The following PPRC1 variants were observed in gnomAD, a reference collection of about 807,000 sequenced individuals.
PPRC1 encodes PPARG related coactivator 1, also known as peroxisome proliferator-activated receptor gamma coactivator-related protein 1.
PPRC1 carries 23 observed loss-of-function variants against 132.5 expected under a neutral mutation model. The ratio of observed to expected loss-of-function variants is 0.17; its 90% confidence interval spans 0.12 to 0.25. The LOEUF is 0.25. PPRC1 is among the 10% of genes least tolerant of loss of function. The probability of loss-of-function intolerance (pLI) is 1.00; values close to 1 mark genes in which losing one functional copy is unlikely to be tolerated. For missense variants in PPRC1, 2,006 were observed against 2,089.1 expected (o/e 0.96, Z 0.78); for synonymous variants, 872 against 833.5 (o/e 1.05, Z -0.80).
chr10:102,123,688 G>A, the PPRC1 span, among the ~76,000 whole-genome samples: 1 of 151,688 alleles, frequency 6.6e-6, no homozygotes, highest in Non-Finnish European at 1.5e-5. Flanking sequence ...CTGCCACCAC[G>A]CCTGGCTAAT....
In PPRC1 at chr10:102,148,486, C is replaced by A; in HGVS notation, c.4515C>A (p.Ser1505=). 6.2e-7 allele frequency: 1 copy of A among 1,613,320 alleles called. No individual in the cohort carries two copies. Among genetic ancestry groups the A allele is most frequent in the South Asian group, 1.1e-5 (1 of 91,068 alleles). ...CCAGTTCTCGAAGCCGCTCACGATCCCCATCCCCCCGCCGGAGAAGTGACA... is the reference window on the plus strand; with the variant it reads ...CCAGTTCTCGAAGCCGCTCACGATCACCATCCCCCCGCCGGAGAAGTGACA... The part of the protein sequence containing the change: ...SSSSSRSRSR[S]PSPRRRSDRR... Residue 1505 remains serine (S), a synonymous_variant, in exon 10 of 14, where the codon TCC becomes TCA. Coordinates refer to ENST00000278070, the MANE Select transcript of PPRC1 (RefSeq NM_015062.5). This position sits in a 1 kb window ranked among gnomAD's most constrained non-coding sequence, Gnocchi z 4.2.
chr10:102,150,175 AT>A lies in PPRC1; in HGVS notation c.*147del. ...AAAAGTGAAATAAAAAATATGTTGA[AT>A]CAGATTTTTTAAAAGGGGTATTTGT... On this transcript the variant is annotated 3_prime_UTR_variant, in exon 14 of 14. Transcript: ENST00000278070. 1 of 619,062 alleles carries A rather than the reference AT, an allele frequency of 1.6e-6. No homozygotes were observed. The highest frequency in any genetic ancestry group is 2.8e-6 in the Non-Finnish European group (1 of 353,740). 38.3% of individuals were successfully genotyped at this position (619,062 alleles called of 1,614,324 possible).
intron 6 of PPRC1, among the ~76,000 whole-genome samples, chr10:102,143,417 G>A (rs2069083113): frequency 6.6e-6 from 1 of 152,074 alleles, no homozygotes; most frequent in Non-Finnish European, 1.5e-5. Flanking sequence ...TGGCCAACAT[G>A]GTGAAACCCC....
chr10:102,132,888 ACTC>A, upstream of PPRC1: 1 of 873,056 alleles, frequency 1.1e-6, no homozygotes, highest in Non-Finnish European at 1.5e-6. Context: ...AGGGACTACT[ACTC>A]CCAGGAACCT....
Position 102,148,560 on chromosome 10 carries a change from CA to C in PPRC1, c.4550+40del. ...CAGGGAGCGCCATGCACCTGGGATG[CA>C]GGTGCCTAAGAGTTGAGTCTTGAAT... On this transcript the variant is annotated intron_variant, in intron 10 of 13. Transcript: ENST00000278070. The surrounding 1 kb of genome is among the most constrained non-coding windows in gnomAD (Gnocchi z 4.2). 1 of 1,612,156 alleles carries C rather than the reference CA, an allele frequency of 6.2e-7. No individual in the cohort carries two copies. Among genetic ancestry groups the C allele is most frequent in the South Asian group, 1.1e-5 (1 of 91,042 alleles).
Position 102,139,763 on chromosome 10 carries a change from G to A in PPRC1, c.1255G>A (p.Glu419Lys), listed in dbSNP as rs1382337737. The change falls in exon 5 of 14, where the codon GAG becomes AAG. Residue 419 changes from glutamate (E) to lysine (K), a missense_variant. Glu to Lys is a moderately conservative substitution (Grantham distance 56). Around this residue, in one of 2 missense-constraint regions of PPRC1, gnomAD observed 1,914 missense variants for 1,917.2 expected, o/e 1.00. Coordinates refer to ENST00000278070, the MANE Select transcript of PPRC1 (RefSeq NM_015062.5). ...SEKEGLSLNS[E>K]EKLDSACLLK... ...GAAAGAGGGGTTGTCATTGAACTCA[G>A]AGGAGAAGCTGGACTCAGCCTGCTT... 1 of 1,614,202 alleles carries A rather than the reference G, an allele frequency of 6.2e-7. No homozygotes were observed. The highest frequency in any genetic ancestry group is 1.1e-5 in the South Asian group (1 of 91,084).
Position 102,141,785 on chromosome 10 carries a change from G to A in PPRC1, c.3277G>A (p.Glu1093Lys). 6.2e-7 allele frequency: 1 copy of A among 1,613,832 alleles called. No individual in the cohort carries two copies. The highest frequency in any genetic ancestry group is 8.5e-7 in the Non-Finnish European group (1 of 1,179,864). ...TGTGTCTGCTGAAGGTGTGACTGTT[G>A]AGGAGCCTGCATCAGAGAGGCTAAA... ...ACVSAEGVTV[E>K]EPASERLKPE... The change falls in exon 5 of 14, where the codon GAG (glutamate) becomes AAG (lysine). Residue 1093 changes from glutamate to lysine, a missense_variant. This residue lies in a region of PPRC1 where 1,914 missense variants were observed against 1,917.2 expected (regional missense o/e 1.00). Coordinates refer to ENST00000278070, the MANE Select transcript of PPRC1 (RefSeq NM_015062.5).
chr10:102,142,105 T>G (rs1045348498), intron 5 of PPRC1, 101 bp downstream of exon 5: 58 of 1,386,644 alleles, frequency 4.2e-5, no homozygotes, highest in Non-Finnish European at 5.1e-5. Flanking sequence ...TGGATTTCTT[T>G]GGAGGAGTTT....
intron 1 of PPRC1, among the ~76,000 whole-genome samples, chr10:102,134,882 A>G (rs772311525): frequency 2.0e-5 from 3 of 152,240 alleles, no homozygotes; most frequent in Non-Finnish European, 2.9e-5. Context: ...AGATCCAGCT[A>G]TAATAGTTAA....
intron 9 of PPRC1, among the ~76,000 whole-genome samples, chr10:102,147,671 A>T (rs1183895536): frequency 6.6e-6 from 1 of 151,598 alleles, no homozygotes; most frequent in Non-Finnish European, 1.5e-5. Context: ...GACCATGTTG[A>T]TTTTTTTCAC....
chr10:102,146,485 C>T (rs1411089241), intron 8 of PPRC1, among the ~76,000 whole-genome samples, 187 bp from the exon 9 acceptor site: 1 of 152,108 alleles, frequency 6.6e-6, no homozygotes, highest in Non-Finnish European at 1.5e-5. Context: ...CTGGATTTCT[C>T]TTGCTGGTCC....
Position 102,139,621 on chromosome 10 carries a change from A to T in PPRC1, c.1113A>T (p.Gly371=). ...TTGTGGTGCGACAGGTCTCTCCTGG[A>T]CCCCGGCCTGTGCTCCTGGATGACT... ...IPVVVRQVSP[G]PRPVLLDDSL... The change falls in exon 5 of 14, where the codon GGA becomes GGT. Residue 371 remains glycine (G), a synonymous_variant. Transcript: ENST00000278070. 1 of 1,613,884 alleles carries T rather than the reference A, an allele frequency of 6.2e-7. No individual in the cohort carries two copies. Among genetic ancestry groups the T allele is most frequent in the Non-Finnish European group, 8.5e-7 (1 of 1,180,010 alleles).
the PPRC1 span, among the ~76,000 whole-genome samples, chr10:102,126,933 C>T: frequency 1.3e-5 from 2 of 149,276 alleles, no homozygotes; most frequent in Non-Finnish European, 2.9e-5. Context: ...TAAGAAATTC[C>T]CAGGAAACTT....
chr10:102,149,248 C>T lies in PPRC1; in HGVS notation c.4810C>T (p.Leu1604=). The T allele has an allele frequency of 6.2e-7, 1 of 1,612,610 alleles. No individual in the cohort carries two copies. Among genetic ancestry groups the T allele is most frequent in the Non-Finnish European group, 8.5e-7 (1 of 1,179,276 alleles). Residue 1604 remains leucine (L), a synonymous_variant, in exon 13 of 14, where the codon CTG becomes TTG. Coordinates refer to ENST00000278070, the MANE Select transcript of PPRC1 (RefSeq NM_015062.5). ...AFAAIESGHK[L]RQADEQPFDL... is the part of the protein sequence containing the mutation. ...TGCAGCCATTGAGAGTGGCCACAAG[C>T]TGCGGCAGGCAGATGAGCAGCCCTT...
rs1038767423 is a variant in PPRC1 at position 102,150,286 on chromosome 10, A to AT, written c.*258dup. ...TGAGGGGATCCCCAGTGTTTGGAAC[A>AT]TAAGTCACTATGCAGACTAATAAAC... is the stretch of plus-strand genomic sequence containing the variant. On this transcript the variant is annotated 3_prime_UTR_variant, in exon 14 of 14. Transcript: ENST00000278070. The AT allele has an allele frequency of 8.5e-5, 32 of 376,882 alleles. 1 individual carries two copies. The highest frequency in any genetic ancestry group is 6.3e-4 in the African/African-American group (31 of 48,840). The allele number at this position is 376,882 out of a possible 1,614,324, so 23.3% of individuals were successfully genotyped here.
At chr10:102,132,713 C>T (rs899753758), upstream of PPRC1, among the ~76,000 whole-genome samples, 1 of 152,236 alleles carries the variant, frequency 6.6e-6, no homozygotes, top group African/African-American at 2.4e-5. Context: ...GCAGGTAGAA[C>T]GTCAAAGAGG....
At chr10:102,146,483 C>A (rs996242418) in intron 8 of PPRC1, among the ~76,000 whole-genome samples, 189 bp from the exon 9 acceptor site, 1 of 152,102 alleles carries the variant, frequency 6.6e-6, no homozygotes, top group Non-Finnish European at 1.5e-5. Context: ...GGCTGGATTT[C>A]TCTTGCTGGT....
chr10:102,120,013 G>A, the PPRC1 span: 2 of 1,246,146 alleles, frequency 1.6e-6, no homozygotes, highest in South Asian at 3.1e-5. Context: ...ACAAGTTCTC[G>A]CCAAACACGG....
chr10:102,123,768 A>G, the PPRC1 span, among the ~76,000 whole-genome samples: 1 of 149,702 alleles, frequency 6.7e-6, no homozygotes, highest in Non-Finnish European at 1.5e-5. Context: ...TCCCAACCTC[A>G]GGTGATCCGC....
Sources: allele counts gnomAD v4.1 joint callset (sites outside exome capture counted in the v4.1 genomes callset), GRCh38; gene constraint gnomAD v4.1.1; regional missense constraint gnomAD v4.1.1; non-coding constraint Gnocchi (gnomAD v3.1); transcripts MANE v1.5; gene names NCBI Gene and HGNC (gene_info 2026-07-23, HGNC 2026-07-21).